HNRNPUL1: variants seen among roughly 807,000 people sequenced by gnomAD.
The protein encoded by HNRNPUL1 is heterogeneous nuclear ribonucleoprotein U-like protein 1.
HNRNPUL1 carries 14 observed loss-of-function variants against 108.5 expected under a neutral mutation model. That is an observed-to-expected ratio of 0.13 (90% CI 0.09 to 0.20). The LOEUF (loss-of-function observed/expected upper bound fraction) is 0.20, where lower values mean the gene tolerates loss of function less well. HNRNPUL1 is among the 10% of genes least tolerant of loss of function. The probability of loss-of-function intolerance (pLI) is 1.00; values close to 1 mark genes in which losing one functional copy is unlikely to be tolerated. For missense variants in HNRNPUL1, 804 were observed against 1,168.3 expected, an observed-to-expected ratio of 0.69 and a Z score of 4.55; for synonymous variants, 422 against 445.2, an observed-to-expected ratio of 0.95 and a Z score of 0.66.
intron 2 of HNRNPUL1, among the ~76,000 whole-genome samples, chr19:41,269,485 A>G (rs1426167069): frequency 1.3e-5 from 2 of 150,810 alleles, no homozygotes; most frequent in African/African-American, 4.9e-5. Context: ...GTCACGAAAA[A>G]AAAAAAAAAA....
chr19:41,276,434 G>C, intron 5 of HNRNPUL1, 136 bp downstream of exon 5: 4 of 925,060 alleles, frequency 4.3e-6, no homozygotes, highest in Non-Finnish European at 6.3e-6. Flanking sequence ...AGACAAAACT[G>C]TGATGAACTC....
At chr19:41,302,573 T>C in intron 11 of HNRNPUL1, 92 bp from the exon 12 acceptor site, 1 of 1,498,540 alleles carries the variant, frequency 6.7e-7, no homozygotes, top group Non-Finnish European at 9.3e-7. Context: ...TTCTCCCTTC[T>C]GGAAGGCCAC....
chr19:41,264,591 G>A lies in HNRNPUL1; in HGVS notation c.88G>A (p.Ala30Thr). The A allele has an allele frequency of 1.3e-6, 2 of 1,574,768 alleles. No individual in the cohort carries two copies. The highest frequency in any genetic ancestry group is 1.1e-5 in the South Asian group (1 of 87,752). Reference sequence around the variant, plus strand: ...CACTCGAGGCCTCAAGGCCGAGCTTGCTGAGCGGCTGCAGGCGGCGTTGGA... The same window carrying A: ...CACTCGAGGCCTCAAGGCCGAGCTTACTGAGCGGCTGCAGGCGGCGTTGGA... ...LDTRGLKAELAERLQAALEAE... is the reference protein window; with the variant it reads ...LDTRGLKAELTERLQAALEAE... Residue 30 changes from alanine (A) to threonine (T), a missense_variant, in exon 1 of 15, where the codon GCT becomes ACT. Coordinates refer to ENST00000392006, the MANE Select transcript of HNRNPUL1 (RefSeq NM_007040.6).
intron 5 of HNRNPUL1, among the ~76,000 whole-genome samples, chr19:41,278,826 A>G (rs951884528): frequency 3.9e-5 from 6 of 152,140 alleles, no homozygotes; most frequent in African/African-American, 1.4e-4. Flanking sequence ...AGATGTTACA[A>G]GAGTCTCTTA....
intron 7 of HNRNPUL1, among the ~76,000 whole-genome samples, chr19:41,290,078 C>T (rs908811754): frequency 2.0e-5 from 3 of 152,106 alleles, no homozygotes; most frequent in African/African-American, 7.2e-5. Context: ...TGACACAGAG[C>T]TGTGCCCTGT....
chr19:41,276,385 C>G, intron 5 of HNRNPUL1, 87 bp downstream of exon 5: 6 of 1,428,558 alleles, frequency 4.2e-6, no homozygotes, highest in East Asian at 2.3e-5. Flanking sequence ...AGAGCTGCAA[C>G]TGCAAAAGAG....
intron 2 of HNRNPUL1, among the ~76,000 whole-genome samples, chr19:41,269,853 C>T (rs1256102871): frequency 1.3e-5 from 2 of 152,148 alleles, no homozygotes; most frequent in African/African-American, 4.8e-5. Context: ...AATCCCAACA[C>T]TTTGGGAGGC....
chr19:41,288,434 G>A (rs1183271540), intron 7 of HNRNPUL1, among the ~76,000 whole-genome samples: 1 of 151,962 alleles, frequency 6.6e-6, no homozygotes, highest in African/African-American at 2.4e-5. Context: ...AGTAGAGACA[G>A]GGTTTCACCA....
In HNRNPUL1 at chr19:41,283,614, C is replaced by A. The variant is rs147639668; in HGVS notation, c.999+2339C>A. Among the ~76,000 whole-genome samples, 405 of 152,276 alleles carry A rather than the reference C, an allele frequency of 2.7e-3. 3 individuals carry two copies. Among genetic ancestry groups the A allele is most frequent in the African/African-American group, 9.3e-3 (388 of 41,532 alleles). ...GGGATTACAGGTGCACGCCACCATG[C>A]CTGGCTAATTTTTGTATTTTTAGTA... On this transcript the variant is annotated intron_variant, in intron 7 of 14. Transcript: ENST00000392006.
chr19:41,302,989 C>T, intron 12 of HNRNPUL1, 40 bp downstream of exon 12: 2 of 1,505,608 alleles, frequency 1.3e-6, no homozygotes, highest in Non-Finnish European at 1.8e-6. Flanking sequence ...CTTTCTGTTC[C>T]CAGGTTGGGG....
chr19:41,270,467 TA>T (rs1172777242), intron 2 of HNRNPUL1, among the ~76,000 whole-genome samples: 4 of 149,996 alleles, frequency 2.7e-5, no homozygotes, highest in African/African-American at 1.0e-4. Context: ...TTGCTGAAAA[TA>T]TTTTTTTTAA....
At chr19:41,268,602 T>C (rs1264839689) in intron 2 of HNRNPUL1, among the ~76,000 whole-genome samples, 3 of 152,128 alleles carry the variant, frequency 2.0e-5, no homozygotes, top group Non-Finnish European at 4.4e-5. Context: ...CTCCCTCCTG[T>C]AATCCCAGCA....
rs889994259 is a variant in HNRNPUL1, at chr19:41,302,826, T to G, written c.1849T>G (p.Phe617Val). 1.9e-6 allele frequency: 3 copies of G among 1,600,754 alleles called. No homozygotes were observed. Among genetic ancestry groups the G allele is most frequent in the Non-Finnish European group, 2.6e-6 (3 of 1,171,420 alleles). The change falls in exon 12 of 15, where the codon TTC becomes GTC. Residue 617 changes from phenylalanine to valine, a missense_variant. By Grantham distance (50) the Phe-to-Val change is conservative. Around this residue, in one of 4 missense-constraint regions of HNRNPUL1, gnomAD observed 294 missense variants for 388.3 expected, o/e 0.76. Transcript: ENST00000392006. Reference sequence around the variant, plus strand: ...CTTTGACAACCGAGGTGGTGGTGGCTTCCGGGGCCGCGGGGGTGGTGGTGG... The same window carrying G: ...CTTTGACAACCGAGGTGGTGGTGGCGTCCGGGGCCGCGGGGGTGGTGGTGG... ...KRFDNRGGGG[F>V]RGRGGGGGFQ...
intron 5 of HNRNPUL1, among the ~76,000 whole-genome samples, chr19:41,277,751 C>T (rs2035658696): frequency 6.6e-6 from 1 of 152,162 alleles, no homozygotes; most frequent in African/African-American, 2.4e-5. Flanking sequence ...AGGTGATCTG[C>T]CTGCCTTGGC....
At chr19:41,269,210 A>G (rs2035055252) in intron 2 of HNRNPUL1, among the ~76,000 whole-genome samples, 2 of 152,086 alleles carry the variant, frequency 1.3e-5, no homozygotes, top group African/African-American at 4.8e-5. Flanking sequence ...TCATACCTAT[A>G]ATTCCAACAC....
chr19:41,268,807 G>A (rs1262250058), intron 2 of HNRNPUL1, among the ~76,000 whole-genome samples: 4 of 151,998 alleles, frequency 2.6e-5, no homozygotes, highest in Non-Finnish European at 5.9e-5. Context: ...GCAGTGAGCC[G>A]AGATCGCGTC....
chr19:41,277,699 G>A (rs1325855636), intron 5 of HNRNPUL1, among the ~76,000 whole-genome samples: 1 of 152,086 alleles, frequency 6.6e-6, no homozygotes, highest in African/African-American at 2.4e-5. Flanking sequence ...TAGAGATGGG[G>A]TTTCTCCATG....
intron 13 of HNRNPUL1, among the ~76,000 whole-genome samples, chr19:41,304,477 A>G (rs1020041856): frequency 7.2e-5 from 11 of 152,154 alleles, no homozygotes; most frequent in African/African-American, 2.7e-4. Flanking sequence ...GAGTAAATGT[A>G]GACCTTCCCA....
At chr19:41,303,466 C>T (rs1044409652) in intron 12 of HNRNPUL1, among the ~76,000 whole-genome samples, 1 of 151,236 alleles carries the variant, frequency 6.6e-6, no homozygotes, top group Non-Finnish European at 1.5e-5. Context: ...GCGATTCTCT[C>T]GCCTCAGTCT....
Sources: allele counts gnomAD v4.1 joint callset (sites outside exome capture counted in the v4.1 genomes callset), GRCh38; gene constraint gnomAD v4.1.1; regional missense constraint gnomAD v4.1.1; transcripts MANE v1.5; gene names NCBI Gene and HGNC (gene_info 2026-07-23, HGNC 2026-07-21).